LRP1B: variants seen among roughly 807,000 people sequenced by gnomAD.
LRP1B encodes LDL receptor related protein 1B.
In LRP1B, 217 loss-of-function variants were observed where a neutral mutation model predicts 556.6. The ratio of observed to expected loss-of-function variants is 0.39; its 90% CI spans 0.35 to 0.44. The LOEUF is 0.44. LRP1B is among the 20% of genes least tolerant of loss of function. LRP1B has a pLI of 1.00. For missense variants in LRP1B, 5,053 were observed against 5,620.8 expected (o/e 0.90, Z 3.23); for synonymous variants, 2,047 against 1,865.8 (o/e 1.10, Z -2.50).
intron 2 of LRP1B, among the ~76,000 whole-genome samples, chr2:141,621,183 T>C (rs536291145): frequency 6.4e-4 from 97 of 152,196 alleles, no homozygotes; most frequent in Non-Finnish European, 1.1e-3. Context: ...TATAATACTT[T>C]ATAATGATCA....
intron 84 of LRP1B, among the ~76,000 whole-genome samples, chr2:140,286,759 A>T (rs1683167663): frequency 6.6e-6 from 1 of 151,852 alleles, no homozygotes; most frequent in Non-Finnish European, 1.5e-5. Context: ...TCATTATCTA[A>T]ATTATATACC....
chr2:141,379,581 G>A (rs1462111424), intron 3 of LRP1B, among the ~76,000 whole-genome samples: 1 of 152,088 alleles, frequency 6.6e-6, no homozygotes, highest in African/African-American at 2.4e-5. Context: ...CTCACCCTCA[G>A]CAAAGCCACA....
chr2:141,555,928 T>C (rs990220760), intron 2 of LRP1B, among the ~76,000 whole-genome samples: 3 of 151,906 alleles, frequency 2.0e-5, no homozygotes, highest in African/African-American at 7.2e-5. Context: ...ATCTTTTATT[T>C]CTGCAGGGTT....
intron 35 of LRP1B, among the ~76,000 whole-genome samples, chr2:140,728,417 T>A (rs1461252881): frequency 1.3e-5 from 2 of 152,112 alleles, no homozygotes; most frequent in South Asian, 2.1e-4. Context: ...CAAGGAGAAA[T>A]TTTTTTATTT....
chr2:141,186,066 G>A (rs894726598), intron 7 of LRP1B, among the ~76,000 whole-genome samples: 5 of 96,186 alleles, frequency 5.2e-5, no homozygotes, highest in Non-Finnish European at 7.4e-5. Context: ...GCGATAGAAC[G>A]AGACTCTGTC....
chr2:140,386,621 G>A (rs1205995327), intron 66 of LRP1B, among the ~76,000 whole-genome samples: 2 of 152,094 alleles, frequency 1.3e-5, no homozygotes, highest in African/African-American at 4.8e-5. Context: ...TGAGTACCAG[G>A]AAAGTATTAA....
chr2:140,798,942 TA>T, intron 32 of LRP1B, among the ~76,000 whole-genome samples: 1 of 152,264 alleles, frequency 6.6e-6, no homozygotes, highest in African/African-American at 2.4e-5. Flanking sequence ...CTATGTCTAT[TA>T]GCACTAATGT....
At chr2:141,969,031 G>A (rs1290121102) in intron 1 of LRP1B, among the ~76,000 whole-genome samples, 2 of 150,486 alleles carry the variant, frequency 1.3e-5, no homozygotes, top group African/African-American at 4.9e-5. Context: ...TCAATCTAAA[G>A]TTTGCCTATA....
chr2:141,090,153 A>T (rs1700141213), intron 7 of LRP1B, among the ~76,000 whole-genome samples: 1 of 152,200 alleles, frequency 6.6e-6, no homozygotes, highest in Non-Finnish European at 1.5e-5. Flanking sequence ...GTGTTGATTG[A>T]TTTGCATATA....
intron 2 of LRP1B, among the ~76,000 whole-genome samples, chr2:141,651,864 G>A (rs185869955): frequency 3.9e-5 from 6 of 151,960 alleles, no homozygotes; most frequent in African/African-American, 1.4e-4. Context: ...CTTGGAAATT[G>A]GTTAATTAAA....
chr2:141,737,167 C>T (rs1225338548), intron 2 of LRP1B, among the ~76,000 whole-genome samples: 2 of 152,136 alleles, frequency 1.3e-5, no homozygotes, highest in African/African-American at 4.8e-5. Context: ...GCCTGGCCAA[C>T]ATGGTGAAAC....
intron 15 of LRP1B, among the ~76,000 whole-genome samples, chr2:141,001,387 T>G (rs555454109): frequency 6.6e-6 from 1 of 152,016 alleles, no homozygotes; most frequent in African/African-American, 2.4e-5. Flanking sequence ...TTGTTACATA[T>G]GTATACAAGT....
At chr2:140,739,299 C>T (rs1201927864) in intron 35 of LRP1B, among the ~76,000 whole-genome samples, 2 of 151,434 alleles carry the variant, frequency 1.3e-5, no homozygotes, top group East Asian at 1.9e-4. Flanking sequence ...AGAACAACAA[C>T]TGTGAAGATT....
chr2:141,488,971 T>TTTTTTG lies in LRP1B; in HGVS notation c.206-8439_206-8438insCAAAAA, dbSNP rs748943953. On this transcript the variant is annotated intron_variant, in intron 2 of 90. Transcript: ENST00000389484. ...TGTTCTTTTACATGGGTTTGTTTTT[T>TTTTTTG]TTTGTTTGTTTGTTTGTTTTTTTGA... Among the ~76,000 whole-genome samples, 17 of 59,734 alleles carry TTTTTTG rather than the reference T, an allele frequency of 2.8e-4. No individual in the cohort carries two copies. The South Asian group carries it at 0.013, about 44-fold the overall frequency. The allele number at this position is 59,734 out of a possible 152,430, so 39.2% of individuals were successfully genotyped here. A position where few individuals can be genotyped will look rare whatever the true frequency, so the allele number is the denominator to read the frequency against.
chr2:141,294,694 C>T (rs1351111668), intron 3 of LRP1B, among the ~76,000 whole-genome samples: 2 of 149,214 alleles, frequency 1.3e-5, no homozygotes, highest in Non-Finnish European at 3.0e-5. Flanking sequence ...GCACCATGGC[C>T]ACACCACTGC....
intron 47 of LRP1B, among the ~76,000 whole-genome samples, chr2:140,528,918 C>T (rs1277721245): frequency 6.6e-6 from 1 of 151,964 alleles, no homozygotes; most frequent in African/African-American, 2.4e-5. Context: ...TTTGTTTCAT[C>T]CATAAGGTGA....
At chr2:141,240,260 G>T (rs1338344026) in intron 5 of LRP1B, among the ~76,000 whole-genome samples, 1 of 152,010 alleles carries the variant, frequency 6.6e-6, no homozygotes, top group African/African-American at 2.4e-5. Context: ...TGCCCAAAGG[G>T]CATTCTCTAA....
chr2:141,382,818 G>C (rs1364101251), intron 3 of LRP1B, among the ~76,000 whole-genome samples: 1 of 152,172 alleles, frequency 6.6e-6, no homozygotes, highest in East Asian at 1.9e-4. Flanking sequence ...TCTCAGCAGT[G>C]ATTTTTTGAT....
rs867799569 is a variant in LRP1B, at chr2:141,489,285, G to C, written c.206-8752C>G. On this transcript the variant is annotated intron_variant, in intron 2 of 90. Transcript: ENST00000389484. ...TTACAGGCATGAGCCACTACACCTT[G>C]GCCTCTTTTATTAAGAATGCTTTTC... 1.1e-4 allele frequency among the ~76,000 whole-genome samples: 16 copies of C among 151,290 alleles called. 1 individual carries two copies. The highest frequency in any genetic ancestry group is 2.0e-4 in the Admixed American group (3 of 15,168).
Sources: allele counts gnomAD v4.1 joint callset (sites outside exome capture counted in the v4.1 genomes callset), GRCh38; gene constraint gnomAD v4.1.1; transcripts MANE v1.5; gene names NCBI Gene and HGNC (gene_info 2026-07-23, HGNC 2026-07-21).